The following IGF1R variants were observed in gnomAD, a reference collection of about 807,000 sequenced individuals.
The protein encoded by IGF1R is insulin-like growth factor 1 receptor.
Under a neutral mutation model 144.6 loss-of-function variants are expected in IGF1R, and 44 were observed. The observed-to-expected ratio is 0.30, with a 90% confidence interval of 0.24 to 0.39. The LOEUF (loss-of-function observed/expected upper bound fraction) is 0.39, where lower values mean the gene tolerates loss of function less well. Ranked by LOEUF, IGF1R falls within the 10% of genes least tolerant of loss-of-function variation. The pLI, the probability that IGF1R is intolerant of heterozygous loss-of-function variation, is 1.00. For missense variants in IGF1R, 1,355 were observed against 1,833.7 expected (o/e 0.74, Z 4.77); for synonymous variants, 795 against 722.8 (o/e 1.10, Z -1.60).
At chr15:98,837,061 C>T (rs2715433) in intron 2 of IGF1R, among the ~76,000 whole-genome samples, 5,524 of 152,258 alleles carry the variant, frequency 0.036, 161 homozygotes, top group East Asian at 0.15. Flanking sequence ...TCACAGTATG[C>T]AGATGTCTCG....
chr15:98,745,061 T>C (rs373234974), intron 2 of IGF1R, among the ~76,000 whole-genome samples: 2 of 152,182 alleles, frequency 1.3e-5, no homozygotes, highest in African/African-American at 4.8e-5. Flanking sequence ...GAATTGAACA[T>C]GAACTTCATG....
At chr15:98,652,588 C>T (rs1480905055) in intron 1 of IGF1R, among the ~76,000 whole-genome samples, 2 of 152,148 alleles carry the variant, frequency 1.3e-5, no homozygotes, top group Non-Finnish European at 2.9e-5. Context: ...AAAAGTTCAA[C>T]TCTAAGAAAT....
chr15:98,929,792 A>G (rs2015869925), intron 14 of IGF1R, 132 bp downstream of exon 14: 3 of 737,734 alleles, frequency 4.1e-6, no homozygotes, highest in Non-Finnish European at 7.3e-6. Context: ...TTCCCATCAA[A>G]TGTTCTTCCA....
chr15:98,675,204 G>A (rs1412085148), intron 1 of IGF1R, among the ~76,000 whole-genome samples: 2 of 151,972 alleles, frequency 1.3e-5, no homozygotes, highest in Admixed American at 6.6e-5. Context: ...GGCCAGGCTG[G>A]TCTCAAACTC....
chr15:98,767,510 C>CCTTTAAAAGCTT (rs1440436120), intron 2 of IGF1R, among the ~76,000 whole-genome samples: 1 of 152,084 alleles, frequency 6.6e-6, no homozygotes, highest in Non-Finnish European at 1.5e-5. Context: ...TTCATTTTCC[C>CCTTTAAAAGCTT]CTTTAAAAGC....
intron 3 of IGF1R, among the ~76,000 whole-genome samples, chr15:98,896,172 G>A (rs545664968): frequency 1.4e-4 from 22 of 152,266 alleles, no homozygotes; most frequent in African/African-American, 3.4e-4. Context: ...GCAAAACACC[G>A]TCAAGAAATA....
At chr15:98,678,370 G>A (rs951803963) in intron 1 of IGF1R, among the ~76,000 whole-genome samples, 30 of 151,920 alleles carry the variant, frequency 2.0e-4, no homozygotes, top group South Asian at 2.1e-4. Context: ...GCCTAGACTA[G>A]TTTTGTAAAA....
At chr15:98,766,191 A>G (rs2055433790) in intron 2 of IGF1R, among the ~76,000 whole-genome samples, 1 of 152,186 alleles carries the variant, frequency 6.6e-6, no homozygotes, top group Non-Finnish European at 1.5e-5. Flanking sequence ...TTTTCATTGA[A>G]TCAGAATTCC....
chr15:98,748,335 T>TTA (rs1476282449), intron 2 of IGF1R, among the ~76,000 whole-genome samples: 7 of 151,788 alleles, frequency 4.6e-5, no homozygotes, highest in African/African-American at 1.7e-4. Flanking sequence ...CCCAGCAAAT[T>TTA]TATTATTATT....
Position 98,959,892 on chromosome 15 carries a change from TTTAA to T in IGF1R, c.*2453_*2456del, listed in dbSNP as rs1368356020. 1 of 232,170 alleles carries T rather than the reference TTTAA, an allele frequency of 4.3e-6. No individual in the cohort carries two copies. Among genetic ancestry groups the T allele is most frequent in the Non-Finnish European group, 8.5e-6 (1 of 117,978 alleles). 14.4% of individuals were successfully genotyped at this position (232,170 alleles called of 1,614,324 possible). Reference sequence around the variant, plus strand: ...AAGGTATTATATGTAGGAGTTTTCTTTTAATTTATTTTGTGATAAATTACCAGTT... The same window carrying T: ...AAGGTATTATATGTAGGAGTTTTCTTTTTATTTTGTGATAAATTACCAGTT... On this transcript the variant is annotated 3_prime_UTR_variant, in exon 21 of 21. Coordinates refer to ENST00000650285, the MANE Select transcript of IGF1R (RefSeq NM_000875.5).
intron 2 of IGF1R, among the ~76,000 whole-genome samples, chr15:98,852,276 G>T (rs1179486178): frequency 1.3e-5 from 2 of 152,138 alleles, no homozygotes; most frequent in Non-Finnish European, 2.9e-5. Flanking sequence ...CCTCCGAGGG[G>T]CTGAGGCTCC....
intron 2 of IGF1R, among the ~76,000 whole-genome samples, chr15:98,866,761 CGAGT>C (rs2012471541): frequency 6.6e-6 from 1 of 152,102 alleles, no homozygotes; most frequent in African/African-American, 2.4e-5. Context: ...TAGATAAGCA[CGAGT>C]GAGGGGTGAT....
chr15:98,929,497 A>G, intron 13 of IGF1R, 61 bp from the exon 14 acceptor site: 1 of 1,290,360 alleles, frequency 7.7e-7, no homozygotes, highest in African/African-American at 1.5e-5. Flanking sequence ...GAATGTGAAG[A>G]AATGAAATGA....
At chr15:98,861,581 A>G (rs1007772366) in intron 2 of IGF1R, among the ~76,000 whole-genome samples, 1 of 152,184 alleles carries the variant, frequency 6.6e-6, no homozygotes, top group African/African-American at 2.4e-5. Flanking sequence ...CATTTGGGAG[A>G]CAGCATGGTC....
At chr15:98,907,456 T>C (rs2014788094) in intron 5 of IGF1R, among the ~76,000 whole-genome samples, 1 of 152,164 alleles carries the variant, frequency 6.6e-6, no homozygotes, top group Non-Finnish European at 1.5e-5. Flanking sequence ...CCTTTGTGTG[T>C]TTATACATTA....
At chr15:98,766,468 G>C (rs924369344) in intron 2 of IGF1R, among the ~76,000 whole-genome samples, 1 of 152,098 alleles carries the variant, frequency 6.6e-6, no homozygotes, top group African/African-American at 2.4e-5. Context: ...TGAGAACTTT[G>C]ATTCATTGAA....
At chr15:98,909,576 A>G (rs1306745144) in intron 6 of IGF1R, among the ~76,000 whole-genome samples, 1 of 152,274 alleles carries the variant, frequency 6.6e-6, no homozygotes, top group Admixed American at 6.5e-5. Context: ...TTTTCAGGGA[A>G]GAGCCAGTGT....
rs540614364 is a variant in IGF1R at position 98,789,845 on chromosome 15, T to C, written c.640+81738T>C. 7.2e-5 allele frequency among the ~76,000 whole-genome samples: 11 copies of C among 152,186 alleles called. No homozygotes were observed. The South Asian group carries it at 2.3e-3, about 32-fold the overall frequency. On this transcript the variant is annotated intron_variant, in intron 2 of 20. Transcript: ENST00000650285. ...GAGTTATCTGGGTGGAAAAGCACCA[T>C]GGGAGGAAGAAGTCAGAGAGGCGGG...
intron 2 of IGF1R, among the ~76,000 whole-genome samples, chr15:98,879,423 C>T (rs574927936): frequency 6.6e-6 from 1 of 152,206 alleles, no homozygotes; most frequent in South Asian, 2.1e-4. Context: ...GTTCCTCTGC[C>T]AGGCATTTCT....
Sources: allele counts gnomAD v4.1 joint callset (sites outside exome capture counted in the v4.1 genomes callset), GRCh38; gene constraint gnomAD v4.1.1; transcripts MANE v1.5; gene names NCBI Gene and HGNC (gene_info 2026-07-23, HGNC 2026-07-21).